The following B3GALT1 variants were observed in gnomAD, a reference collection of about 807,000 sequenced individuals.
B3GALT1 encodes beta-1,3-galactosyltransferase 1.
In B3GALT1, 10 loss-of-function variants were observed where a neutral mutation model predicts 23.2. That is an observed-to-expected ratio of 0.43 (90% CI 0.27 to 0.73). The LOEUF (loss-of-function observed/expected upper bound fraction) is 0.73. B3GALT1 is among the 30% of genes least tolerant of loss of function. The pLI, the probability that B3GALT1 is intolerant of heterozygous loss-of-function variation, is 0.21. For missense variants in B3GALT1, 299 were observed against 405.4 expected (o/e 0.74, Z 2.25); for synonymous variants, 156 against 141.5 (o/e 1.10, Z -0.73).
chr2:167,775,712 G>C (rs1688150816), intron 3 of B3GALT1, among the ~76,000 whole-genome samples: 1 of 140,178 alleles, frequency 7.1e-6, no homozygotes, highest in Admixed American at 7.1e-5. Context: ...ACTTAAACAG[G>C]TGCTTCCATA....
chr2:167,348,605 A>G (rs1217770958), intron 1 of B3GALT1, among the ~76,000 whole-genome samples: 4 of 152,142 alleles, frequency 2.6e-5, no homozygotes, highest in African/African-American at 9.7e-5. Flanking sequence ...CTCTAAACTT[A>G]TGTTCTACTA....
intron 1 of B3GALT1, among the ~76,000 whole-genome samples, chr2:167,486,218 G>C (rs1228658237): frequency 6.6e-6 from 1 of 151,498 alleles, no homozygotes; most frequent in Non-Finnish European, 1.5e-5. Flanking sequence ...AATTAGCTGG[G>C]TGTGGTGGCG....
intron 3 of B3GALT1, among the ~76,000 whole-genome samples, chr2:167,673,832 T>G (rs898390379): frequency 6.6e-6 from 1 of 152,114 alleles, no homozygotes; most frequent in Non-Finnish European, 1.5e-5. Flanking sequence ...CAAAGCCTTT[T>G]GGGGTGAAAT....
intron 2 of B3GALT1, among the ~76,000 whole-genome samples, chr2:167,554,454 G>A (rs1387535832): frequency 6.6e-6 from 1 of 152,170 alleles, no homozygotes; most frequent in Non-Finnish European, 1.5e-5. Context: ...ACAGCCGAAG[G>A]TAACACTAAG....
intron 3 of B3GALT1, among the ~76,000 whole-genome samples, chr2:167,777,519 T>C (rs1402977401): frequency 6.6e-6 from 1 of 152,098 alleles, no homozygotes; most frequent in Non-Finnish European, 1.5e-5. Flanking sequence ...GCTAATTTTT[T>C]GTGTTTTCAG....
chr2:167,741,039 G>A (rs1039027545), intron 3 of B3GALT1, among the ~76,000 whole-genome samples: 11 of 152,176 alleles, frequency 7.2e-5, no homozygotes, highest in African/African-American at 2.7e-4. Flanking sequence ...AATTGGAAAA[G>A]TAGCTTCCTT....
chr2:167,695,857 G>A (rs1686783846), intron 3 of B3GALT1, among the ~76,000 whole-genome samples: 1 of 151,992 alleles, frequency 6.6e-6, no homozygotes, highest in African/African-American at 2.4e-5. Context: ...GACCTACGAT[G>A]GCTACCGTTG....
chr2:167,436,686 C>G (rs777811319), intron 1 of B3GALT1, among the ~76,000 whole-genome samples: 19 of 152,038 alleles, frequency 1.2e-4, no homozygotes, highest in Non-Finnish European at 1.0e-4. Flanking sequence ...ACTTTGTATA[C>G]AGGTAAAATC....
At chr2:167,665,292 C>T (rs2105476895) in intron 3 of B3GALT1, among the ~76,000 whole-genome samples, 1 of 128,806 alleles carries the variant, frequency 7.8e-6, no homozygotes, top group South Asian at 3.0e-4. Context: ...TTGAACCAGC[C>T]TTGCATCCCA....
intron 2 of B3GALT1, among the ~76,000 whole-genome samples, chr2:167,562,650 T>G (rs1019398730): frequency 2.5e-5 from 1 of 40,240 alleles, no homozygotes; most frequent in Non-Finnish European, 3.7e-5. Flanking sequence ...ACAAGCATTC[T>G]TTTTTTTTTT....
chr2:167,744,425 A>G (rs891885094), intron 3 of B3GALT1, among the ~76,000 whole-genome samples: 2 of 152,206 alleles, frequency 1.3e-5, no homozygotes, highest in African/African-American at 4.8e-5. Flanking sequence ...TAGATCTCTC[A>G]TGAATTAAAC....
chr2:167,674,766 A>G lies in B3GALT1; in HGVS notation c.-352+27800A>G, dbSNP rs577313536. On this transcript the variant is annotated intron_variant, in intron 3 of 4. Transcript: ENST00000392690. ...CTTTGTCTGTTTTTTAAGAAATACA[A>G]ATTTTTTTAAGAATTTGGATTCTGA... Among the ~76,000 whole-genome samples, 11 of 152,308 alleles carry G rather than the reference A, an allele frequency of 7.2e-5. No individual in the cohort carries two copies. The South Asian group carries it at 1.7e-3, about 23-fold the overall frequency.
At chr2:167,333,711 C>T (rs1280406894) in intron 1 of B3GALT1, among the ~76,000 whole-genome samples, 1 of 152,134 alleles carries the variant, frequency 6.6e-6, no homozygotes, top group Non-Finnish European at 1.5e-5. Flanking sequence ...AAATAATTGG[C>T]TTACAGAATG....
intron 3 of B3GALT1, among the ~76,000 whole-genome samples, chr2:167,772,943 C>T (rs2105310375): frequency 6.6e-6 from 1 of 152,314 alleles, no homozygotes; most frequent in Middle Eastern, 3.4e-3. Context: ...CCAAAGGGAT[C>T]TGAAGCCTCT....
In B3GALT1 at chr2:167,774,497, GTT is replaced by G. The variant is rs397986581; in HGVS notation, c.-351-44159_-351-44158del. On this transcript the variant is annotated intron_variant, in intron 3 of 4. Coordinates refer to ENST00000392690, the MANE Select transcript of B3GALT1 (RefSeq NM_020981.4). The stretch of plus-strand genomic sequence containing the variant: ...GTTTTTTTTTTTTGTTTTTTTTTTT[GTT>G]TTTTTTTTTTTTTTTGGAGACAGAG... 4.7e-4 allele frequency among the ~76,000 whole-genome samples: 39 copies of G among 83,000 alleles called. 1 individual carries two copies. Among genetic ancestry groups the G allele is most frequent in the Middle Eastern group, 8.9e-3 (1 of 112 alleles). 54.5% of individuals were successfully genotyped at this position (83,000 alleles called of 152,430 possible).
intron 3 of B3GALT1, among the ~76,000 whole-genome samples, chr2:167,726,751 A>C (rs1687323082): frequency 6.6e-6 from 1 of 152,254 alleles, no homozygotes; most frequent in Non-Finnish European, 1.5e-5. Flanking sequence ...AGGCAGTTTC[A>C]CACTTCAGTC....
intron 3 of B3GALT1, among the ~76,000 whole-genome samples, chr2:167,803,019 T>C (rs562705162): frequency 1.3e-5 from 2 of 151,866 alleles, no homozygotes; most frequent in African/African-American, 2.4e-5. Context: ...AGATGGATTG[T>C]GAGGTAACTT....
intron 2 of B3GALT1, among the ~76,000 whole-genome samples, chr2:167,617,401 T>C (rs1685179124): frequency 1.3e-5 from 2 of 152,042 alleles, no homozygotes; most frequent in Admixed American, 1.3e-4. Flanking sequence ...CATGGTATGC[T>C]TAGAACAATT....
At chr2:167,363,144 C>G (rs893347034) in intron 1 of B3GALT1, among the ~76,000 whole-genome samples, 6 of 151,758 alleles carry the variant, frequency 4.0e-5, no homozygotes, top group African/African-American at 1.5e-4. Flanking sequence ...CTTAAGCCAC[C>G]ACGCCCGGCC....
Sources: allele counts gnomAD v4.1 joint callset (sites outside exome capture counted in the v4.1 genomes callset), GRCh38; gene constraint gnomAD v4.1.1; transcripts MANE v1.5; gene names NCBI Gene and HGNC (gene_info 2026-07-23, HGNC 2026-07-21).